Variants in IKBKB-DT observed in about 807,000 individuals in gnomAD.
IKBKB-DT encodes IKBKB divergent transcript, also known as IKBKB antisense RNA.
At chr8:42,250,075 G>T (rs981838371) in intron 3 of IKBKB-DT, among the ~76,000 whole-genome samples, 19 of 145,800 alleles carry the variant, frequency 1.3e-4, no homozygotes, top group African/African-American at 5.4e-4. Flanking sequence ...AGAGGTTTTT[G>T]TTTGTTTGTT....
intron 3 of IKBKB-DT, among the ~76,000 whole-genome samples, chr8:42,244,086 G>A (rs540196377): frequency 1.3e-5 from 2 of 152,182 alleles, no homozygotes; most frequent in South Asian, 4.1e-4. Context: ...ACTAAGCTTT[G>A]GTTCCCTCAA....
At chr8:42,260,662 C>G (rs976770533) in intron 3 of IKBKB-DT, among the ~76,000 whole-genome samples, 13 of 110,646 alleles carry the variant, frequency 1.2e-4, no homozygotes, top group African/African-American at 3.9e-4. Flanking sequence ...GAGCAAGACT[C>G]TGTCTCAAAA....
intron 3 of IKBKB-DT, among the ~76,000 whole-genome samples, chr8:42,255,685 T>C (rs1807190032): frequency 6.6e-6 from 1 of 152,178 alleles, no homozygotes; most frequent in Non-Finnish European, 1.5e-5. Flanking sequence ...AGGTTTTCAA[T>C]TGTGTCCCTG....
chr8:42,268,971 C>A (rs1460840850), intron 1 of IKBKB-DT, among the ~76,000 whole-genome samples: 1 of 152,102 alleles, frequency 6.6e-6, no homozygotes, highest in East Asian at 1.9e-4. Flanking sequence ...TACTCATGTT[C>A]CTGTTGCTTC....
At chr8:42,236,064 A>G (rs980267062) in intron 3 of IKBKB-DT, among the ~76,000 whole-genome samples, 1 of 152,174 alleles carries the variant, frequency 6.6e-6, no homozygotes, top group South Asian at 2.1e-4. Flanking sequence ...AACTAGAATT[A>G]TGACTGATAA....
exon 2 of IKBKB-DT, chr8:42,266,316 TCTC>T (rs746500640): frequency 2.0e-5 from 3 of 152,224 alleles, no homozygotes; most frequent in Non-Finnish European, 2.9e-5. Context: ...CAAGCTGTCT[TCTC>T]CTTCTATGAT....
At chr8:42,262,934 T>A (rs143797746) in intron 3 of IKBKB-DT, among the ~76,000 whole-genome samples, 5,498 of 152,002 alleles carry the variant, frequency 0.036, 336 homozygotes, top group African/African-American at 0.13. Flanking sequence ...AGAGACAGGG[T>A]CTTGCTGTGT....
At chr8:42,267,067 C>T (rs1366595835) in intron 1 of IKBKB-DT, among the ~76,000 whole-genome samples, 1 of 146,780 alleles carries the variant, frequency 6.8e-6, no homozygotes, top group Non-Finnish European at 1.5e-5. Flanking sequence ...CTGGCGCGAT[C>T]TTGGCTCACT....
chr8:42,264,731 G>A (rs1807347177), intron 2 of IKBKB-DT, among the ~76,000 whole-genome samples: 1 of 151,830 alleles, frequency 6.6e-6, no homozygotes, highest in African/African-American at 2.4e-5. Flanking sequence ...GCTAATTTTT[G>A]TATTTTTAGT....
At chr8:42,267,193 A>T (rs1807384482) in intron 1 of IKBKB-DT, among the ~76,000 whole-genome samples, 1 of 151,230 alleles carries the variant, frequency 6.6e-6, no homozygotes, top group South Asian at 2.1e-4. Context: ...TTTAGTAGAG[A>T]CGGGGTTTCA....
intron 3 of IKBKB-DT, among the ~76,000 whole-genome samples, chr8:42,236,480 CAG>C (rs922669647): frequency 6.6e-6 from 1 of 152,136 alleles, no homozygotes; most frequent in African/African-American, 2.4e-5. Context: ...AAATAAATCA[CAG>C]GGGCTGGGCG....
At chr8:42,237,075 G>C (rs1199559077) in intron 3 of IKBKB-DT, among the ~76,000 whole-genome samples, 1 of 137,648 alleles carries the variant, frequency 7.3e-6, no homozygotes, top group Non-Finnish European at 1.5e-5. Flanking sequence ...ACGAGAGAAG[G>C]CTCAGTTTTT....
intron 1 of IKBKB-DT, among the ~76,000 whole-genome samples, chr8:42,268,097 C>A (rs147166465): frequency 9.6e-4 from 146 of 151,582 alleles, no homozygotes; most frequent in African/African-American, 3.5e-3. Flanking sequence ...AATGGACTCT[C>A]CACAGTGCCC....
At chr8:42,255,163 C>T (rs547060521) in intron 3 of IKBKB-DT, among the ~76,000 whole-genome samples, 5 of 152,056 alleles carry the variant, frequency 3.3e-5, no homozygotes, top group African/African-American at 4.8e-5. Flanking sequence ...GCCCAGCCGT[C>T]GCCCCATCTG....
At chr8:42,270,707 T>G (rs1267537190) in exon 1 of IKBKB-DT, 1 of 152,286 alleles carries the variant, frequency 6.6e-6, no homozygotes, top group Non-Finnish European at 1.5e-5. Flanking sequence ...GTGAGGACAT[T>G]CTGATTCCAA....
exon 1 of IKBKB-DT, chr8:42,271,113 G>C (rs1335611384): frequency 2.1e-6 from 1 of 481,368 alleles, no homozygotes; most frequent in Non-Finnish European, 3.7e-6. Flanking sequence ...TTTCAGGGCT[G>C]TTCTTTTAAA....
At chr8:42,239,551 C>T (rs1484525084) in intron 3 of IKBKB-DT, among the ~76,000 whole-genome samples, 2 of 143,406 alleles carry the variant, frequency 1.4e-5, no homozygotes, top group Admixed American at 1.5e-4. Flanking sequence ...ATTTGTTTCT[C>T]CAAAACAAAT....
At chr8:42,270,554 T>C (rs62507976) in intron 1 of IKBKB-DT, 2 of 152,224 alleles carry the variant, frequency 1.3e-5, no homozygotes, top group Non-Finnish European at 2.9e-5. Context: ...CCCTGCACTG[T>C]GTAAGCACTC....
chr8:42,268,367 C>T (rs1201433858), intron 1 of IKBKB-DT, among the ~76,000 whole-genome samples: 2 of 151,788 alleles, frequency 1.3e-5, no homozygotes, highest in African/African-American at 4.8e-5. Context: ...GATCTCCTGA[C>T]CTCGTGATCT....
Sources: allele counts gnomAD v4.1 joint callset (sites outside exome capture counted in the v4.1 genomes callset), GRCh38; gene constraint gnomAD v4.1.1; transcripts MANE v1.5; gene names NCBI Gene and HGNC (gene_info 2026-07-23, HGNC 2026-07-21).